MYPN: variants seen among roughly 807,000 people sequenced by gnomAD.
The protein encoded by MYPN is sarcomeric protein myopalladin, 145 kDa (MYOP).
MYPN carries 63 observed loss-of-function variants against 129.4 expected under a neutral mutation model. The observed-to-expected ratio is 0.49, with a 90% confidence interval of 0.40 to 0.60. MYPN has a LOEUF of 0.60. MYPN is among the 20% of genes least tolerant of loss of function. MYPN has a pLI of 0.00. For synonymous variants in MYPN, 629 were observed against 600.9 expected (o/e 1.05, Z -0.68); for missense variants, 1,596 against 1,635.4 (o/e 0.98, Z 0.42).
intron 17 of MYPN, among the ~76,000 whole-genome samples, chr10:68,200,361 GACA>G (rs1352978527): frequency 6.6e-6 from 1 of 152,134 alleles, no homozygotes; most frequent in Non-Finnish European, 1.5e-5. Flanking sequence ...TATACATAAG[GACA>G]ACAAGACATT....
At position 68,121,774 on chromosome 10, in the gene MYPN, T is replaced by A; in HGVS notation, c.336T>A (p.Ser112Arg). The A allele has an allele frequency of 1.9e-6, 3 of 1,614,222 alleles. No homozygotes were observed. The highest frequency in any genetic ancestry group is 2.5e-6 in the Non-Finnish European group (3 of 1,180,042). Residue 112 changes from serine (S) to arginine (R), a missense_variant, in exon 2 of 20, where the codon AGT becomes AGA. Physicochemically the swap from Ser to Arg is moderately radical, Grantham distance 110. Transcript: ENST00000358913. Reference protein sequence around the residue: ...PDQMKHSPNLSFEPNFCQDNP... With the variant: ...PDQMKHSPNLRFEPNFCQDNP... ...AGATGAAACACTCACCTAATTTAAG[T>A]TTTGAGCCTAACTTCTGCCAGGATA...
chr10:68,153,351 G>A (rs1176495223), intron 6 of MYPN, among the ~76,000 whole-genome samples: 1 of 152,158 alleles, frequency 6.6e-6, no homozygotes, highest in East Asian at 1.9e-4. Flanking sequence ...CCTTTGTGTG[G>A]TGATTCTGAT....
At chr10:68,184,451 G>A (rs935656214) in intron 12 of MYPN, among the ~76,000 whole-genome samples, 3 of 151,646 alleles carry the variant, frequency 2.0e-5, no homozygotes, top group African/African-American at 4.8e-5. Flanking sequence ...TTTTTTAGAC[G>A]GAGTTTCACT....
At chr10:68,108,569 T>G (rs2042040296), upstream of MYPN, among the ~76,000 whole-genome samples, 1 of 152,194 alleles carries the variant, frequency 6.6e-6, no homozygotes, top group South Asian at 2.1e-4. Context: ...TATCAGAATC[T>G]AAGAATGATC....
At chr10:68,089,381 GC>G (rs1444705600) in intron 1 of MYPN, among the ~76,000 whole-genome samples, 2 of 151,706 alleles carry the variant, frequency 1.3e-5, no homozygotes, top group Non-Finnish European at 2.9e-5. Context: ...TCGCTCTGTC[GC>G]CCAGACTGGA....
chr10:68,161,394 G>T (rs2042971994), intron 7 of MYPN, among the ~76,000 whole-genome samples: 1 of 152,014 alleles, frequency 6.6e-6, no homozygotes, highest in Non-Finnish European at 1.5e-5. Flanking sequence ...TACCTGGGAG[G>T]CTGAAGCAGG....
rs548754907 is a variant in MYPN at position 68,199,567 on chromosome 10, C to T, written c.3485C>T (p.Ser1162Phe). The change falls in exon 17 of 20, where the codon TCT becomes TTT. Residue 1162 changes from serine to phenylalanine, a missense_variant. Physicochemically the swap from Ser to Phe is radical, Grantham distance 155. Coordinates refer to ENST00000358913, the MANE Select transcript of MYPN (RefSeq NM_032578.4). ...CAGAATTCTTTTAGTCTGGAGCTCT[C>T]TGTAGTAGGTAAGGTTTGCTGCTGG... ...TGQNSFSLEL[S>F]VVAKEVKKAP... is the part of the protein sequence containing the mutation. The T allele has an allele frequency of 6.2e-7, 1 of 1,601,912 alleles. No homozygotes were observed. Among genetic ancestry groups the T allele is most frequent in the East Asian group, 2.2e-5 (1 of 44,666 alleles).
At chr10:68,172,593 T>C (rs2043159889) in intron 10 of MYPN, among the ~76,000 whole-genome samples, 1 of 152,192 alleles carries the variant, frequency 6.6e-6, no homozygotes, top group Non-Finnish European at 1.5e-5. Context: ...TTGAATTCAA[T>C]GGACCATTAA....
At chr10:68,106,166 G>A (rs1366672638), upstream of MYPN, 7 of 453,888 alleles carry the variant, frequency 1.5e-5, no homozygotes, top group African/African-American at 1.2e-4. Context: ...TATAGGAATG[G>A]TGCTTCTCCT....
At chr10:68,103,330 T>C (rs563700872), upstream of MYPN, among the ~76,000 whole-genome samples, 286 of 152,368 alleles carry the variant, frequency 1.9e-3, 1 homozygote, top group African/African-American at 6.6e-3. Flanking sequence ...TGACAAATTA[T>C]ATGTAATAAG....
intron 6 of MYPN, among the ~76,000 whole-genome samples, chr10:68,152,982 T>TTTTATTTTATTTTATTTTA (rs2042802746): frequency 2.0e-4 from 13 of 64,822 alleles, no homozygotes; most frequent in African/African-American, 4.5e-4. Flanking sequence ...ATTTTATTTA[T>TTTTATTTTATTTTATTTTA]TTTATTTTAT....
At chr10:68,210,156 C>T (rs2043884842) in intron 19 of MYPN, 130 bp from the exon 20 acceptor site, 3 of 1,006,794 alleles carry the variant, frequency 3.0e-6, no homozygotes, top group Non-Finnish European at 1.5e-6. Context: ...GCAATTCAGA[C>T]CCAGGTATAG....
chr10:68,158,158 C>G, intron 6 of MYPN: 1 of 270,436 alleles, frequency 3.7e-6, no homozygotes, highest in Non-Finnish European at 7.1e-6. Flanking sequence ...GCTGGCTATG[C>G]GGGTGCCCTT....
At chr10:68,197,782 G>A (rs2043636054) in intron 16 of MYPN, among the ~76,000 whole-genome samples, 1 of 151,990 alleles carries the variant, frequency 6.6e-6, no homozygotes, top group Non-Finnish European at 1.5e-5. Context: ...TTATCTGAGG[G>A]GCCCGCGTTC....
At chr10:68,107,604 A>G (rs1238996656), upstream of MYPN, among the ~76,000 whole-genome samples, 7 of 151,206 alleles carry the variant, frequency 4.6e-5, no homozygotes, top group Admixed American at 6.6e-5. Context: ...GCCTGCCTCA[A>G]CCTCCCAAAG....
At chr10:68,176,057 T>C (rs1458902977) in intron 12 of MYPN, among the ~76,000 whole-genome samples, 1 of 152,188 alleles carries the variant, frequency 6.6e-6, no homozygotes, top group East Asian at 1.9e-4. Context: ...ACCTAGACTT[T>C]AAGGAATTCT....
chr10:68,144,930 CT>C (rs2042637025), intron 3 of MYPN, among the ~76,000 whole-genome samples: 1 of 152,090 alleles, frequency 6.6e-6, no homozygotes, highest in Non-Finnish European at 1.5e-5. Flanking sequence ...GTGCCACTAA[CT>C]AGACATGTGA....
intron 2 of MYPN, among the ~76,000 whole-genome samples, chr10:68,139,310 A>T (rs2042537051): frequency 6.6e-6 from 1 of 152,144 alleles, no homozygotes; most frequent in South Asian, 2.1e-4. Flanking sequence ...TGCTGCACAA[A>T]TTGGCTTCTT....
At position 68,148,418 on chromosome 10, in the gene MYPN, C is replaced by T. The variant is rs142973768; in HGVS notation, c.1196C>T (p.Pro399Leu). ...TTSAVIPPAV[P>L]QAQHLVAQPR... ...TCTGCAGTCATTCCTCCAGCAGTAC[C>T]CCAAGCCCAGCATTTGGTGGCCCAA... Residue 399 changes from proline to leucine, a missense_variant, in exon 5 of 20, where the codon CCC becomes CTC. Transcript: ENST00000358913. The T allele has an allele frequency of 7.4e-6, 12 of 1,614,152 alleles. No homozygotes were observed. The highest frequency in any genetic ancestry group is 3.3e-4 in the Middle Eastern group (2 of 6,062).
Sources: gnomAD v4.1 joint callset for allele counts (sites outside exome capture counted in the v4.1 genomes callset) on GRCh38, gnomAD v4.1.1 for gene constraint, MANE v1.5 for transcripts, NCBI Gene and HGNC (gene_info 2026-07-23, HGNC 2026-07-21) for gene names.